CAST: variants seen among roughly 807,000 people sequenced by gnomAD.
CAST encodes calpastatin.
CAST carries 76 observed loss-of-function variants against 119.6 expected under a neutral mutation model. That is an observed-to-expected ratio of 0.64 (90% CI 0.53 to 0.77). CAST has a LOEUF of 0.77. CAST is among the 30% of genes least tolerant of loss of function. CAST has a pLI of 0.00. For synonymous variants in CAST, 319 were observed against 331.6 expected (o/e 0.96, Z 0.41); for missense variants, 953 against 946.5 (o/e 1.01, Z -0.09).
chr5:96,151,355 A>G, the CAST span, among the ~76,000 whole-genome samples: 1 of 152,214 alleles, frequency 6.6e-6, no homozygotes, highest in African/African-American at 2.4e-5. Flanking sequence ...AAACCGTGAC[A>G]CCAGGTGAGG....
the CAST span, among the ~76,000 whole-genome samples, chr5:96,402,511 C>T: frequency 6.6e-6 from 1 of 152,074 alleles, no homozygotes; most frequent in Admixed American, 6.5e-5. Context: ...TCTCCACTCC[C>T]GTACTCTCTT....
chr5:96,202,604 A>G, the CAST span, among the ~76,000 whole-genome samples: 2 of 152,112 alleles, frequency 1.3e-5, no homozygotes, highest in African/African-American at 2.4e-5. Context: ...AGACAAAATT[A>G]TTATTGATTG....
At chr5:96,280,666 G>A in the CAST span, among the ~76,000 whole-genome samples, 17 of 152,266 alleles carry the variant, frequency 1.1e-4, no homozygotes, top group Admixed American at 9.2e-4. Context: ...AGTATCAAAT[G>A]AGATAATGTA....
At chr5:96,004,050 T>A in the CAST span, among the ~76,000 whole-genome samples, 1 of 152,152 alleles carries the variant, frequency 6.6e-6, no homozygotes, top group Non-Finnish European at 1.5e-5. Context: ...TATAGCACAT[T>A]AGAATTCTTT....
the CAST span, among the ~76,000 whole-genome samples, chr5:96,266,614 G>A: frequency 3.8e-4 from 58 of 152,120 alleles, no homozygotes; most frequent in Admixed American, 1.0e-3. Flanking sequence ...TATCTAGTGC[G>A]GAAAAGGAGG....
the CAST span, among the ~76,000 whole-genome samples, chr5:96,358,656 A>G: frequency 1.3e-5 from 2 of 152,116 alleles, no homozygotes; most frequent in Non-Finnish European, 2.9e-5. Flanking sequence ...TGAGTTTCTT[A>G]ATCCTGAGTT....
At chr5:96,476,531 C>G in the CAST span, among the ~76,000 whole-genome samples, 7 of 152,200 alleles carry the variant, frequency 4.6e-5, no homozygotes, top group African/African-American at 1.7e-4. Flanking sequence ...AACAACATCA[C>G]TCTTTGACTC....
At chr5:96,474,397 C>T in the CAST span, among the ~76,000 whole-genome samples, 1 of 141,546 alleles carries the variant, frequency 7.1e-6, no homozygotes, top group South Asian at 2.5e-4. Context: ...GTATCATCTC[C>T]ATATTCAAAG....
the CAST span, among the ~76,000 whole-genome samples, chr5:96,340,335 C>A: frequency 6.6e-6 from 1 of 152,130 alleles, no homozygotes; most frequent in Non-Finnish European, 1.5e-5. Context: ...AAGCAGCTCG[C>A]CCCTTCTGCC....
At chr5:96,682,625 A>G (rs1162824106) in intron 2 of CAST, among the ~76,000 whole-genome samples, 2 of 151,130 alleles carry the variant, frequency 1.3e-5, no homozygotes, top group African/African-American at 4.9e-5. Flanking sequence ...CTTTCTGATT[A>G]CTCTTTTAAG....
intron 1 of CAST, among the ~76,000 whole-genome samples, chr5:96,581,629 G>A (rs1346198332): frequency 6.6e-6 from 1 of 152,158 alleles, no homozygotes; most frequent in Non-Finnish European, 1.5e-5. Flanking sequence ...AGTGGCTCAC[G>A]CCTGTAATCC....
chr5:96,281,459 C>G, the CAST span, among the ~76,000 whole-genome samples: 1 of 152,200 alleles, frequency 6.6e-6, no homozygotes, highest in Non-Finnish European at 1.5e-5. Flanking sequence ...CAGTTAATTA[C>G]AGCTGCAAGT....
chr5:96,143,558 C>T, the CAST span, among the ~76,000 whole-genome samples: 6 of 152,202 alleles, frequency 3.9e-5, no homozygotes, highest in African/African-American at 9.7e-5. Flanking sequence ...GGACCCAGGG[C>T]GGGTAGAGTG....
rs1163118815 is a variant in CAST, at chr5:96,562,529, C to T, written c.60+32649C>T. Reference sequence around the variant, plus strand: ...AACAAGAGCTGTCATACATACTGGGCGGGAGTACAAAATGATACAATCTTA... The same window carrying T: ...AACAAGAGCTGTCATACATACTGGGTGGGAGTACAAAATGATACAATCTTA... On this transcript the variant is annotated intron_variant, in intron 1 of 11. Coordinates refer to the CAST transcript ENST00000505143. 2.0e-5 allele frequency among the ~76,000 whole-genome samples: 3 copies of T among 152,128 alleles called. No homozygotes were observed. In the East Asian group the frequency reaches 5.8e-4, roughly 29 times the overall value.
the CAST span, among the ~76,000 whole-genome samples, chr5:96,357,587 A>T: frequency 6.6e-6 from 1 of 152,294 alleles, no homozygotes; most frequent in East Asian, 1.9e-4. Flanking sequence ...TATTGAGATA[A>T]TCATGTGGTT....
chr5:96,347,099 C>T, the CAST span, among the ~76,000 whole-genome samples: 1 of 152,128 alleles, frequency 6.6e-6, no homozygotes, highest in Non-Finnish European at 1.5e-5. Context: ...TGGGCTCACG[C>T]AGAGCCTCCA....
the CAST span, among the ~76,000 whole-genome samples, chr5:96,370,451 A>G: frequency 2.6e-5 from 4 of 152,176 alleles, no homozygotes; most frequent in African/African-American, 7.2e-5. Flanking sequence ...ACAATATGCA[A>G]TATGGAACCT....
At chr5:96,458,855 C>A in the CAST span, among the ~76,000 whole-genome samples, 1 of 152,120 alleles carries the variant, frequency 6.6e-6, no homozygotes, top group Non-Finnish European at 1.5e-5. Flanking sequence ...CCAGCTCACA[C>A]CCTCAGATCT....
At chr5:96,451,602 A>C in the CAST span, among the ~76,000 whole-genome samples, 2 of 152,252 alleles carry the variant, frequency 1.3e-5, no homozygotes, top group Non-Finnish European at 2.9e-5. Context: ...TCATGACTAA[A>C]ACATCAAAAG....
Sources: gnomAD v4.1 joint callset for allele counts (sites outside exome capture counted in the v4.1 genomes callset) on GRCh38, gnomAD v4.1.1 for gene constraint, MANE v1.5 for transcripts, NCBI Gene and HGNC (gene_info 2026-07-23, HGNC 2026-07-21) for gene names.